The following CACNA2D2 variants were observed in gnomAD, a reference collection of about 807,000 sequenced individuals.
CACNA2D2 encodes calcium voltage-gated channel auxiliary subunit alpha2delta 2, also known as voltage-dependent calcium channel subunit alpha-2/delta-2.
In CACNA2D2, 48 loss-of-function variants were observed where a neutral mutation model predicts 166.4. The observed-to-expected ratio is 0.29, with a 90% CI of 0.23 to 0.37. The LOEUF (loss-of-function observed/expected upper bound fraction) is 0.37. Among genes scored for constraint, CACNA2D2 ranks in the 10% least tolerant of loss-of-function variants. The pLI is 1.00. For missense variants in CACNA2D2, 1,122 were observed against 1,433.0 expected, an observed-to-expected ratio of 0.78 and a Z score of 3.50; for synonymous variants, 561 against 573.7, an observed-to-expected ratio of 0.98 and a Z score of 0.32.
chr3:50,427,498 C>T lies in CACNA2D2; in HGVS notation c.405+6815G>A, dbSNP rs1707857171. Among the ~76,000 whole-genome samples, 1 of 152,240 alleles carries T rather than the reference C, an allele frequency of 6.6e-6. No individual in the cohort carries two copies. Among genetic ancestry groups the T allele is most frequent in the Non-Finnish European group, 1.5e-5 (1 of 68,038 alleles). On this transcript the variant is annotated intron_variant, in intron 3 of 37. Transcript: ENST00000424201. This position sits in a 1 kb window ranked among gnomAD's most constrained non-coding sequence, Gnocchi z 4.7. ...CGCCCACGCGTGCGCCTAATTGGCTCCACGTGTCTGCGGCTCCTTTCCAGA... is the reference window on the plus strand; with the variant it reads ...CGCCCACGCGTGCGCCTAATTGGCTTCACGTGTCTGCGGCTCCTTTCCAGA...
chr3:50,419,612 G>C (rs535246511), intron 3 of CACNA2D2, among the ~76,000 whole-genome samples: 1 of 152,140 alleles, frequency 6.6e-6, no homozygotes, highest in Admixed American at 6.5e-5. Context: ...GGAAAGTCGG[G>C]GCCCCTTCTA....
intron 2 of CACNA2D2, among the ~76,000 whole-genome samples, chr3:50,441,619 G>C (rs1422526358): frequency 1.3e-5 from 2 of 152,272 alleles, no homozygotes; most frequent in Non-Finnish European, 2.9e-5. Flanking sequence ...CCACCCACCA[G>C]AGACACTGGG....
intron 3 of CACNA2D2, among the ~76,000 whole-genome samples, chr3:50,397,521 A>C (rs1285334654): frequency 6.6e-6 from 1 of 152,114 alleles, no homozygotes. Flanking sequence ...GAAGCCCCCG[A>C]GTCCTGGCCT....
intron 1 of CACNA2D2, among the ~76,000 whole-genome samples, chr3:50,492,097 C>T (rs1413282070): frequency 1.3e-5 from 2 of 152,242 alleles, no homozygotes; most frequent in African/African-American, 4.8e-5. Context: ...ACACCCCACC[C>T]TGAAGTCACC....
chr3:50,484,009 C>A (rs1445390453), intron 1 of CACNA2D2, among the ~76,000 whole-genome samples: 2 of 152,198 alleles, frequency 1.3e-5, no homozygotes, highest in African/African-American at 4.8e-5. Context: ...GTCTTCAATG[C>A]CCAGCTGCGG....
Position 50,379,034 on chromosome 3 carries a change from C to T in CACNA2D2, c.1261-41G>A, listed in dbSNP as rs1191470868. 1.9e-6 allele frequency: 3 copies of T among 1,613,526 alleles called. No individual in the cohort carries two copies. The highest frequency in any genetic ancestry group is 1.6e-4 in the Middle Eastern group (1 of 6,084). On this transcript the variant is annotated intron_variant, in intron 12 of 37. Coordinates refer to ENST00000424201, the MANE Select transcript of CACNA2D2 (RefSeq NM_006030.4). This position sits in a 1 kb window ranked among gnomAD's most constrained non-coding sequence, Gnocchi z 6.5. ...GGTTACTGCTGTGGCCACCAGGGGA[C>T]AGCCCTCTTCTGTACTGGGCCCAGG...
intron 3 of CACNA2D2, among the ~76,000 whole-genome samples, chr3:50,416,561 T>TG (rs1414151286): frequency 1.3e-5 from 2 of 152,018 alleles, no homozygotes; most frequent in African/African-American, 4.8e-5. Context: ...ACAGGAATGG[T>TG]GGGGGGCTCT....
At chr3:50,446,726 C>T (rs985267526) in intron 2 of CACNA2D2, among the ~76,000 whole-genome samples, 2 of 152,238 alleles carry the variant, frequency 1.3e-5, no homozygotes, top group African/African-American at 2.4e-5. Flanking sequence ...GGATAACAAG[C>T]CCCTAATTCA....
intron 2 of CACNA2D2, among the ~76,000 whole-genome samples, chr3:50,467,944 G>A (rs1364548903): frequency 6.6e-6 from 1 of 152,232 alleles, no homozygotes; most frequent in Non-Finnish European, 1.5e-5. Flanking sequence ...GGGGAATGCT[G>A]CTCCTGCCGC....
At chr3:50,478,941 C>A (rs1469087987) in intron 1 of CACNA2D2, among the ~76,000 whole-genome samples, 1 of 152,180 alleles carries the variant, frequency 6.6e-6, no homozygotes, top group East Asian at 1.9e-4. Flanking sequence ...GTTGACTCTT[C>A]TAGTATGTCT....
intron 2 of CACNA2D2, among the ~76,000 whole-genome samples, chr3:50,454,814 T>G (rs930212932): frequency 9.9e-5 from 15 of 152,112 alleles, no homozygotes; most frequent in African/African-American, 3.4e-4. Flanking sequence ...CTCTGCAGCA[T>G]GGCTCAAACC....
intron 3 of CACNA2D2, among the ~76,000 whole-genome samples, chr3:50,431,377 G>C (rs1213620842): frequency 6.6e-6 from 1 of 152,150 alleles, no homozygotes; most frequent in Admixed American, 6.5e-5. Flanking sequence ...TACAGCCAGG[G>C]GTGCTGCAGC....
intron 3 of CACNA2D2, among the ~76,000 whole-genome samples, chr3:50,395,149 T>C (rs1331310237): frequency 1.3e-5 from 2 of 152,192 alleles, no homozygotes; most frequent in Non-Finnish European, 2.9e-5. Context: ...TCAATCATAA[T>C]GACAACCATC....
rs1259961998 is a variant in CACNA2D2, at chr3:50,503,583, C to G, written c.-160G>C. The G allele has an allele frequency of 6.0e-6, 1 of 166,752 alleles. No homozygotes were observed. The highest frequency in any genetic ancestry group is 2.4e-5 in the African/African-American group (1 of 41,528). The allele number at this position is 166,752 out of a possible 1,614,324, so 10.3% of individuals were successfully genotyped here. A position where few individuals can be genotyped will look rare whatever the true frequency, so the allele number is the denominator to read the frequency against. ...TCCGGGGCTGCACGGGCCGCAGCGC[C>G]TCTGCGGGCTGCGCGCTGCTATCTC... On this transcript the variant is annotated 5_prime_UTR_variant, in exon 1 of 38. Transcript: ENST00000424201.
chr3:50,484,825 G>C (rs1440814594), intron 1 of CACNA2D2, among the ~76,000 whole-genome samples: 2 of 152,238 alleles, frequency 1.3e-5, no homozygotes, highest in Non-Finnish European at 2.9e-5. Flanking sequence ...GCCATTTGCT[G>C]AGTGAATATA....
chr3:50,398,093 T>TA lies in CACNA2D2; in HGVS notation c.406-3926_406-3925insT, dbSNP rs567675089. On this transcript the variant is annotated intron_variant, in intron 3 of 37. Transcript: ENST00000424201. ...GGACAGGCTGGAAGGGGCAAGAAACTGAGGCCCAGAGGCGAGGGAAGAACC... is the reference window on the plus strand; with the variant it reads ...GGACAGGCTGGAAGGGGCAAGAAACTAGAGGCCCAGAGGCGAGGGAAGAACC... 1.1e-4 allele frequency among the ~76,000 whole-genome samples: 17 copies of TA among 151,336 alleles called. No individual in the cohort carries two copies. The East Asian group carries it at 3.3e-3, about 30-fold the overall frequency.
rs1481846945 is a variant in CACNA2D2, at chr3:50,484,201, T to C, written c.207-8002A>G. Among the ~76,000 whole-genome samples, 3 of 152,206 alleles carry C rather than the reference T, an allele frequency of 2.0e-5. No homozygotes were observed. The South Asian group carries it at 6.2e-4, about 32-fold the overall frequency. On this transcript the variant is annotated intron_variant, in intron 1 of 37. Coordinates refer to ENST00000424201, the MANE Select transcript of CACNA2D2 (RefSeq NM_006030.4). The stretch of plus-strand genomic sequence containing the variant: ...CGCTTTCTCTCACACCCACATCCAA[T>C]CTATCAGCAAGTGCTACAGGTTCCA...
chr3:50,502,391 T>A (rs1699010256), intron 1 of CACNA2D2, among the ~76,000 whole-genome samples: 1 of 152,120 alleles, frequency 6.6e-6, no homozygotes, highest in African/African-American at 2.4e-5. Context: ...GCACTGAACA[T>A]CCACTCCCAG....
At chr3:50,476,935 T>C (rs971901809) in intron 1 of CACNA2D2, among the ~76,000 whole-genome samples, 23 of 149,490 alleles carry the variant, frequency 1.5e-4, no homozygotes, top group Non-Finnish European at 2.7e-4. Flanking sequence ...TTTTCTTTTT[T>C]TTTTTTTTTT....
Sources: gnomAD v4.1 joint callset for allele counts (sites outside exome capture counted in the v4.1 genomes callset) on GRCh38, gnomAD v4.1.1 for gene constraint, Gnocchi (gnomAD v3.1) non-coding constraint, MANE v1.5 for transcripts, NCBI Gene and HGNC (gene_info 2026-07-23, HGNC 2026-07-21) for gene names.